Variants in CNRIP1 observed in about 807,000 individuals in gnomAD.
CNRIP1 encodes the protein cannabinoid receptor interacting protein 1.
In CNRIP1, 10 loss-of-function variants were observed where a neutral mutation model predicts 15.2. The observed-to-expected ratio is 0.66, with a 90% confidence interval of 0.41 to 1.12. CNRIP1 has a LOEUF of 1.12. Ranked by LOEUF, CNRIP1 falls within the 50% of genes most tolerant of loss-of-function variation. The pLI is 0.00. For synonymous variants in CNRIP1, 91 were observed against 83.2 expected, an observed-to-expected ratio of 1.09 and a Z score of -0.51; for missense variants, 211 against 214.7, an observed-to-expected ratio of 0.98 and a Z score of 0.11.
chr2:68,302,188 T>C (rs549685718), intron 2 of CNRIP1, among the ~76,000 whole-genome samples: 1 of 152,212 alleles, frequency 6.6e-6, no homozygotes, highest in Non-Finnish European at 1.5e-5. Flanking sequence ...ATCTTATGAT[T>C]ATCTCTTACA....
At chr2:68,303,322 C>T (rs974811373) in intron 2 of CNRIP1, among the ~76,000 whole-genome samples, 3 of 152,158 alleles carry the variant, frequency 2.0e-5, no homozygotes, top group Non-Finnish European at 4.4e-5. Context: ...AGCTACCTTT[C>T]ACTTAAAATA....
chr2:68,293,731 C>G lies in CNRIP1; in HGVS notation c.*131G>C, dbSNP rs2103890626. Reference sequence around the variant, plus strand: ...AGGGGAATTACACTTTCAAAATAACCAGGGCTAGTAGGTCATTAGTACCAG... The same window carrying G: ...AGGGGAATTACACTTTCAAAATAACGAGGGCTAGTAGGTCATTAGTACCAG... On this transcript the variant is annotated 3_prime_UTR_variant, in exon 3 of 3. Transcript: ENST00000263655. 6.9e-7 allele frequency: 1 copy of G among 1,456,976 alleles called. No individual in the cohort carries two copies. The highest frequency in any genetic ancestry group is 9.1e-7 in the Non-Finnish European group (1 of 1,102,590). 90.3% of individuals were successfully genotyped at this position (1,456,976 alleles called of 1,614,324 possible). A position where few individuals can be genotyped will look rare whatever the true frequency, so the allele number is the denominator to read the frequency against.
chr2:68,315,554 T>C (rs1253561300), intron 2 of CNRIP1, among the ~76,000 whole-genome samples: 2 of 152,078 alleles, frequency 1.3e-5, no homozygotes, highest in Non-Finnish European at 2.9e-5. Context: ...GATAATTTGA[T>C]ACATTCATAA....
chr2:68,301,893 C>CAAAAA lies in CNRIP1; in HGVS notation c.331-7872_331-7868dup, dbSNP rs61613452. 1.5e-3 allele frequency among the ~76,000 whole-genome samples: 109 copies of CAAAAA among 74,060 alleles called. 2 individuals are homozygous for CAAAAA. The highest frequency in any genetic ancestry group is 1.9e-3 in the South Asian group (3 of 1,590). The allele number at this position is 74,060 out of a possible 152,430, so 48.6% of individuals were successfully genotyped here. A position where few individuals can be genotyped will look rare whatever the true frequency, so the allele number is the denominator to read the frequency against. On this transcript the variant is annotated intron_variant, in intron 2 of 2. Coordinates refer to ENST00000263655, the MANE Select transcript of CNRIP1 (RefSeq NM_015463.3). ...TGGGCGACAGAGCGAGTCTCCGTCT[C>CAAAAA]AAAAAAAAAAAAAAAAAAAAAAATA...
Position 68,319,202 on chromosome 2 carries a change from A to T in CNRIP1, c.179+20T>A. On this transcript the variant is annotated intron_variant, in intron 1 of 2. Coordinates refer to ENST00000263655, the MANE Select transcript of CNRIP1 (RefSeq NM_015463.3). The stretch of plus-strand genomic sequence containing the variant: ...GTACCCCATGGGGGACCCTGCTGCC[A>T]CCAGGCGCCCCGCACTCACTCGACC... The T allele has an allele frequency of 6.5e-7, 1 of 1,529,110 alleles. No homozygotes were observed. The highest frequency in any genetic ancestry group is 2.5e-5 in the East Asian group (1 of 40,092). The allele number at this position is 1,529,110 out of a possible 1,614,324, so 94.7% of individuals were successfully genotyped here.
intron 2 of CNRIP1, among the ~76,000 whole-genome samples, chr2:68,297,046 C>G (rs1019803982): frequency 6.6e-6 from 1 of 152,134 alleles, no homozygotes; most frequent in East Asian, 1.9e-4. Flanking sequence ...GGATTACAGG[C>G]ATGAACCACT....
intron 2 of CNRIP1, among the ~76,000 whole-genome samples, chr2:68,313,623 G>A (rs1167397989): frequency 6.6e-6 from 1 of 152,136 alleles, no homozygotes; most frequent in Non-Finnish European, 1.5e-5. Context: ...TATTGAGATG[G>A]CAAGCTCAGG....
rs1453698437 is a variant in CNRIP1, at chr2:68,319,513, T to C, written c.-113A>G. ...GGAAGCGCGGGGAGGGTGAGGGAGGTGGTGGAGCTGAGGCTGCCGCTAGGA... is the reference window on the plus strand; with the variant it reads ...GGAAGCGCGGGGAGGGTGAGGGAGGCGGTGGAGCTGAGGCTGCCGCTAGGA... On this transcript the variant is annotated 5_prime_UTR_variant, in exon 1 of 3. Coordinates refer to ENST00000263655, the MANE Select transcript of CNRIP1 (RefSeq NM_015463.3). The C allele has an allele frequency of 4.5e-6, 5 of 1,117,718 alleles. No individual in the cohort carries two copies. In the African/African-American group the frequency reaches 6.6e-5, roughly 15 times the overall value. The allele number at this position is 1,117,718 out of a possible 1,614,324, so 69.2% of individuals were successfully genotyped here. A position where few individuals can be genotyped will look rare whatever the true frequency, so the allele number is the denominator to read the frequency against.
intron 2 of CNRIP1, among the ~76,000 whole-genome samples, chr2:68,300,156 A>C (rs774775593): frequency 1.3e-5 from 2 of 152,200 alleles, no homozygotes; most frequent in Non-Finnish European, 2.9e-5. Flanking sequence ...CTTATAAAGT[A>C]CATTTGTCTT....
intron 2 of CNRIP1, among the ~76,000 whole-genome samples, chr2:68,313,806 C>G (rs1307066967): frequency 6.6e-6 from 1 of 152,100 alleles, no homozygotes; most frequent in Non-Finnish European, 1.5e-5. Context: ...TCAAAAACTT[C>G]AATGATTTCC....
chr2:68,314,244 A>T (rs1672194967), intron 2 of CNRIP1, among the ~76,000 whole-genome samples: 1 of 152,046 alleles, frequency 6.6e-6, no homozygotes, highest in African/African-American at 2.4e-5. Context: ...CTTCCCCCTG[A>T]GTCCCTGATA....
At chr2:68,302,993 G>A (rs894780502) in intron 2 of CNRIP1, among the ~76,000 whole-genome samples, 1 of 151,718 alleles carries the variant, frequency 6.6e-6, no homozygotes, top group Admixed American at 6.6e-5. Context: ...GACTACAGGC[G>A]CCCGCTACCT....
chr2:68,303,935 G>A (rs1245514859), intron 2 of CNRIP1, among the ~76,000 whole-genome samples: 1 of 152,056 alleles, frequency 6.6e-6, no homozygotes, highest in East Asian at 1.9e-4. Flanking sequence ...AAAATTAGCT[G>A]GGTATGGTGG....
In CNRIP1 at chr2:68,299,666, T is replaced by G. The variant is rs147294002; in HGVS notation, c.331-5640A>C. On this transcript the variant is annotated intron_variant, in intron 2 of 2. Transcript: ENST00000263655. ...GGAGACAACACTCTACCTGGACATT[T>G]TATTTGCTGTAATGTTCTTACGAGT... Among the ~76,000 whole-genome samples, 6 of 152,356 alleles carry G rather than the reference T, an allele frequency of 3.9e-5. No homozygotes were observed. In the East Asian group the frequency reaches 1.2e-3, roughly 29 times the overall value.
In CNRIP1 at chr2:68,311,779, GAA is replaced by G. The variant is rs59421926; in HGVS notation, c.330+5376_330+5377del. Among the ~76,000 whole-genome samples, 109 of 90,258 alleles carry G rather than the reference GAA, an allele frequency of 1.2e-3. 2 individuals carry two copies. The highest frequency in any genetic ancestry group is 2.6e-3 in the African/African-American group (53 of 20,008). The allele number at this position is 90,258 out of a possible 152,430, so 59.2% of individuals were successfully genotyped here. A position where few individuals can be genotyped will look rare whatever the true frequency, so the allele number is the denominator to read the frequency against. On this transcript the variant is annotated intron_variant, in intron 2 of 2. Transcript: ENST00000263655. ...GACAGAGTGAGACTCCATCTCCGGG[GAA>G]AAAAAAAAAAAAAAAAAAAAAGAAA...
chr2:68,298,250 ACAATT>A (rs1240657341), intron 2 of CNRIP1, among the ~76,000 whole-genome samples: 1 of 152,168 alleles, frequency 6.6e-6, no homozygotes, highest in Non-Finnish European at 1.5e-5. Flanking sequence ...ACTGAATTTT[ACAATT>A]CAATTAACAT....
At chr2:68,305,005 G>A (rs925128591) in intron 2 of CNRIP1, among the ~76,000 whole-genome samples, 2 of 152,052 alleles carry the variant, frequency 1.3e-5, no homozygotes, top group African/African-American at 4.8e-5. Context: ...ACCACTTTGC[G>A]AAGCCGAGGG....
chr2:68,315,214 C>T (rs1202573286), intron 2 of CNRIP1, among the ~76,000 whole-genome samples: 5 of 151,966 alleles, frequency 3.3e-5, no homozygotes, highest in African/African-American at 9.6e-5. Flanking sequence ...ACATATAATC[C>T]ATGAAGCAAA....
At chr2:68,300,750 C>A (rs1030564207) in intron 2 of CNRIP1, among the ~76,000 whole-genome samples, 1 of 151,972 alleles carries the variant, frequency 6.6e-6, no homozygotes, top group African/African-American at 2.4e-5. Flanking sequence ...AAACCCCTAA[C>A]AAAACTGAGC....
Sources: allele counts gnomAD v4.1 joint callset (sites outside exome capture counted in the v4.1 genomes callset), GRCh38; gene constraint gnomAD v4.1.1; transcripts MANE v1.5; gene names NCBI Gene and HGNC (gene_info 2026-07-23, HGNC 2026-07-21).